OR9Q1: variants seen among roughly 807,000 people sequenced by gnomAD.
OR9Q1 encodes olfactory receptor 9Q1.
For synonymous variants in OR9Q1, 153 were observed against 148.6 expected (o/e 1.03, Z -0.22); for missense variants, 374 against 378.8 (o/e 0.99, Z 0.11).
chr11:58,111,786 C>T (rs1590596255), intron 2 of OR9Q1, among the ~76,000 whole-genome samples: 1 of 152,118 alleles, frequency 6.6e-6, no homozygotes, highest in African/African-American at 2.4e-5. Context: ...CTAGTATAGA[C>T]ATCTTGAATT....
chr11:58,076,456 C>A (rs1389049530), intron 2 of OR9Q1, among the ~76,000 whole-genome samples: 1 of 152,150 alleles, frequency 6.6e-6, no homozygotes, highest in African/African-American at 2.4e-5. Flanking sequence ...TTAGAAGCCA[C>A]CATTAGGTCC....
chr11:58,153,687 T>C (rs1854376551), intron 2 of OR9Q1, among the ~76,000 whole-genome samples: 2 of 152,186 alleles, frequency 1.3e-5, no homozygotes, highest in Admixed American at 6.5e-5. Flanking sequence ...GTTTGCAATC[T>C]CTATCACAGA....
chr11:58,173,017 T>TA lies in OR9Q1; in HGVS notation c.-14-6406dup, dbSNP rs549016374. 2.0e-3 allele frequency among the ~76,000 whole-genome samples: 302 copies of TA among 151,954 alleles called. 1 individual carries two copies. The highest frequency in any genetic ancestry group is 3.8e-3 in the Non-Finnish European group (257 of 67,930). On this transcript the variant is annotated intron_variant, in intron 2 of 2. Coordinates refer to ENST00000335397, the MANE Select transcript of OR9Q1 (RefSeq NM_001005212.4). ...TTTCTGTCTAGTAAACTATAAGTGGTAAAAAAAATTACTGGTTGGAAGGGA... is the reference window on the plus strand; with the variant it reads ...TTTCTGTCTAGTAAACTATAAGTGGTAAAAAAAAATTACTGGTTGGAAGGGA...
At chr11:58,134,713 C>T (rs1267060410) in intron 2 of OR9Q1, among the ~76,000 whole-genome samples, 1 of 152,124 alleles carries the variant, frequency 6.6e-6, no homozygotes, top group East Asian at 1.9e-4. Flanking sequence ...CTGTGACCTC[C>T]TGTCTTCAGG....
chr11:58,117,474 AG>A (rs1425980347), intron 2 of OR9Q1: 1 of 152,212 alleles, frequency 6.6e-6, no homozygotes, highest in Admixed American at 6.5e-5. Context: ...AGGCTCAAAT[AG>A]GAACAAGCAT....
Position 58,054,184 on chromosome 11 carries a change from C to G in OR9Q1, c.-92-1686C>G, listed in dbSNP as rs75173176. On this transcript the variant is annotated intron_variant, in intron 1 of 2. Coordinates refer to ENST00000335397, the MANE Select transcript of OR9Q1 (RefSeq NM_001005212.4). Reference sequence around the variant, plus strand: ...TAGAAAAAGGAAGATAAGCAGAGTGCCTTCAGGAATCCCTCTAGTGACTTT... The same window carrying G: ...TAGAAAAAGGAAGATAAGCAGAGTGGCTTCAGGAATCCCTCTAGTGACTTT... 7.3e-3 allele frequency among the ~76,000 whole-genome samples: 1,108 copies of G among 152,208 alleles called. 21 individuals are homozygous for G. Among genetic ancestry groups the G allele is most frequent in the African/African-American group, 0.026 (1,059 of 41,524 alleles).
chr11:58,124,812 G>A (rs191803616), intron 2 of OR9Q1, among the ~76,000 whole-genome samples: 3 of 152,290 alleles, frequency 2.0e-5, no homozygotes, highest in South Asian at 2.1e-4. Context: ...ACGCTGTGCT[G>A]CTTTTCCTAA....
intron 1 of OR9Q1, among the ~76,000 whole-genome samples, chr11:58,048,576 G>A (rs1193041792): frequency 6.6e-6 from 1 of 151,050 alleles, no homozygotes; most frequent in Admixed American, 6.6e-5. Flanking sequence ...CAGAAGAATT[G>A]CTTGAACCCT....
intron 1 of OR9Q1, among the ~76,000 whole-genome samples, chr11:58,030,230 C>T (rs1853017790): frequency 6.6e-6 from 1 of 152,160 alleles, no homozygotes; most frequent in African/African-American, 2.4e-5. Context: ...TTCTTAAAGT[C>T]TCCCTGTGAC....
intron 2 of OR9Q1, among the ~76,000 whole-genome samples, chr11:58,152,557 T>G (rs575016467): frequency 4.6e-5 from 7 of 152,322 alleles, no homozygotes; most frequent in African/African-American, 1.7e-4. Context: ...TTTTGTAAAT[T>G]TTTTATGTGC....
chr11:58,055,153 A>G (rs1468588061), intron 1 of OR9Q1, among the ~76,000 whole-genome samples: 1 of 149,090 alleles, frequency 6.7e-6, no homozygotes, highest in Non-Finnish European at 1.5e-5. Context: ...GTAGATCTTA[A>G]CCTTCTCATC....
At chr11:58,028,821 G>C (rs2441957) in intron 1 of OR9Q1, among the ~76,000 whole-genome samples, 1 of 152,186 alleles carries the variant, frequency 6.6e-6, no homozygotes, top group Non-Finnish European at 1.5e-5. Context: ...GAAAACTTTG[G>C]ACTTGTTTAT....
intron 2 of OR9Q1, among the ~76,000 whole-genome samples, chr11:58,113,472 C>T (rs1376888284): frequency 6.6e-6 from 1 of 152,188 alleles, no homozygotes; most frequent in Non-Finnish European, 1.5e-5. Context: ...CTTCCCAACT[C>T]ATTACCCCCC....
chr11:58,027,531 C>T (rs866138629), intron 1 of OR9Q1, among the ~76,000 whole-genome samples: 2 of 152,100 alleles, frequency 1.3e-5, no homozygotes, highest in African/African-American at 2.4e-5. Context: ...GCCTGTGGCT[C>T]ATAAAGCTTA....
At chr11:58,150,643 G>A (rs1014178820) in intron 2 of OR9Q1, among the ~76,000 whole-genome samples, 3 of 152,096 alleles carry the variant, frequency 2.0e-5, no homozygotes, top group African/African-American at 7.2e-5. Flanking sequence ...TCACATGTTC[G>A]TGGTGATGCT....
At chr11:58,150,323 G>T (rs1854337972) in intron 2 of OR9Q1, among the ~76,000 whole-genome samples, 1 of 152,120 alleles carries the variant, frequency 6.6e-6, no homozygotes, top group South Asian at 2.1e-4. Flanking sequence ...GGCCTGGTGT[G>T]GTAGCTCACT....
intron 2 of OR9Q1, among the ~76,000 whole-genome samples, chr11:58,170,520 T>G (rs1292220378): frequency 6.6e-6 from 1 of 152,164 alleles, no homozygotes; most frequent in Admixed American, 6.6e-5. Context: ...AATGATCATT[T>G]CTTTAATGCA....
intron 2 of OR9Q1, chr11:58,057,663 C>G (rs1251816319): frequency 6.6e-6 from 1 of 152,166 alleles, no homozygotes; most frequent in Non-Finnish European, 1.5e-5. Context: ...TGTTGCATAT[C>G]AGCATTGGCA....
intron 2 of OR9Q1, among the ~76,000 whole-genome samples, chr11:58,154,656 G>A (rs1033879977): frequency 3.9e-5 from 6 of 152,142 alleles, no homozygotes; most frequent in Admixed American, 6.5e-5. Context: ...GATGACTATT[G>A]TAATTACACT....
Sources: allele counts gnomAD v4.1 joint callset (sites outside exome capture counted in the v4.1 genomes callset), GRCh38; gene constraint gnomAD v4.1.1; transcripts MANE v1.5; gene names NCBI Gene and HGNC (gene_info 2026-07-23, HGNC 2026-07-21).